RAPGEF2: variants seen among roughly 807,000 people sequenced by gnomAD.
RAPGEF2 encodes Rap guanine nucleotide exchange factor 2.
RAPGEF2 carries 54 observed loss-of-function variants against 186.7 expected under a neutral mutation model. The ratio of observed to expected loss-of-function variants is 0.29; its 90% CI spans 0.23 to 0.36. RAPGEF2 has a LOEUF of 0.36. Ranked by LOEUF, RAPGEF2 falls within the 10% of genes least tolerant of loss-of-function variation. RAPGEF2 has a pLI of 1.00. For missense variants in RAPGEF2, 1,532 were observed against 2,045.0 expected (o/e 0.75, Z 4.84); for synonymous variants, 712 against 705.9 (o/e 1.01, Z -0.14).
chr4:159,218,107 C>A (rs7678673), intron 4 of RAPGEF2, among the ~76,000 whole-genome samples: 100,585 of 152,118 alleles, frequency 0.66, 34,091 homozygotes, highest in African/African-American at 0.76. Flanking sequence ...CTAGTGAATT[C>A]TGTTACAGAA....
chr4:159,178,535 A>G (rs571486287), intron 1 of RAPGEF2, among the ~76,000 whole-genome samples: 38 of 141,106 alleles, frequency 2.7e-4, no homozygotes, highest in African/African-American at 1.0e-3. Context: ...CTTCTTTCCC[A>G]TTAGCATGTA....
chr4:159,167,129 C>T (rs375627503), intron 1 of RAPGEF2, among the ~76,000 whole-genome samples: 2 of 152,062 alleles, frequency 1.3e-5, no homozygotes, highest in East Asian at 1.9e-4. Flanking sequence ...AAAAAAACCA[C>T]GACTCATTAA....
chr4:159,295,741 G>GTA (rs1761887998), intron 7 of RAPGEF2, among the ~76,000 whole-genome samples: 1 of 134,262 alleles, frequency 7.4e-6, no homozygotes, highest in Non-Finnish European at 1.5e-5. Context: ...GTGTGTGTGT[G>GTA]TGTGTGTGTG....
At chr4:159,314,559 A>G (rs968199677) in intron 8 of RAPGEF2, 32 bp from the exon 9 acceptor site, 1 of 1,564,706 alleles carries the variant, frequency 6.4e-7, no homozygotes, top group Non-Finnish European at 8.6e-7. Context: ...TTTACTTAAA[A>G]TAGTTTTTAA....
chr4:159,254,057 T>C (rs563309815), intron 7 of RAPGEF2, among the ~76,000 whole-genome samples: 1 of 152,378 alleles, frequency 6.6e-6, no homozygotes, highest in Admixed American at 6.5e-5. Context: ...AAGTGCTTTA[T>C]GCAAACTTCT....
intron 7 of RAPGEF2, among the ~76,000 whole-genome samples, chr4:159,247,755 CTTTTTTTTT>C (rs56053207): frequency 1.6e-4 from 13 of 83,474 alleles, no homozygotes; most frequent in African/African-American, 4.7e-4. Context: ...TAATTTGTTT[CTTTTTTTTT>C]TTTTTTTTTT....
intron 9 of RAPGEF2, among the ~76,000 whole-genome samples, chr4:159,320,444 T>G (rs897301825): frequency 1.3e-5 from 2 of 152,162 alleles, no homozygotes; most frequent in Admixed American, 6.5e-5. Context: ...ATAACTGATG[T>G]GCTTTGATAG....
At chr4:159,124,310 C>T (rs1021608941) in intron 1 of RAPGEF2, among the ~76,000 whole-genome samples, 3 of 151,258 alleles carry the variant, frequency 2.0e-5, no homozygotes, top group South Asian at 2.1e-4. Context: ...GAGACTGAGG[C>T]GGGCGGATCA....
At chr4:159,296,798 C>T (rs1179425715) in intron 7 of RAPGEF2, among the ~76,000 whole-genome samples, 1 of 152,200 alleles carries the variant, frequency 6.6e-6, no homozygotes, top group Admixed American at 6.5e-5. Context: ...TGCAGTTTCT[C>T]ATCACATTGA....
intron 1 of RAPGEF2, among the ~76,000 whole-genome samples, chr4:159,104,482 G>T (rs1579191106): frequency 7.0e-6 from 1 of 142,102 alleles, no homozygotes; most frequent in Non-Finnish European, 1.5e-5. Flanking sequence ...CCACTATGTT[G>T]CCCAGCCGAG....
intron 17 of RAPGEF2, 55 bp downstream of exon 17, chr4:159,332,752 C>G (rs1766863332): frequency 3.2e-6 from 5 of 1,569,124 alleles, no homozygotes; most frequent in Non-Finnish European, 3.5e-6. Flanking sequence ...AAATGATATG[C>G]AAAGATAGTG....
intron 4 of RAPGEF2, among the ~76,000 whole-genome samples, chr4:159,236,919 A>C (rs1054378745): frequency 6.6e-6 from 1 of 152,198 alleles, no homozygotes; most frequent in Non-Finnish European, 1.5e-5. Flanking sequence ...AAGTACTCTA[A>C]TGTGTATGTT....
At chr4:159,198,084 T>G (rs1159362165) in intron 3 of RAPGEF2, among the ~76,000 whole-genome samples, 2 of 152,190 alleles carry the variant, frequency 1.3e-5, no homozygotes, top group Admixed American at 1.3e-4. Flanking sequence ...TTTTCCTTCT[T>G]GATGTGACCA....
intron 1 of RAPGEF2, among the ~76,000 whole-genome samples, chr4:159,105,175 A>G (rs1737744267): frequency 6.6e-6 from 1 of 152,188 alleles, no homozygotes; most frequent in Non-Finnish European, 1.5e-5. Context: ...TGCTGACTGG[A>G]TAATGACGCA....
intron 1 of RAPGEF2, among the ~76,000 whole-genome samples, chr4:159,183,474 A>G (rs1276495769): frequency 6.6e-6 from 1 of 152,250 alleles, no homozygotes; most frequent in Non-Finnish European, 1.5e-5. Context: ...AAGAAAATAT[A>G]GTAGTAAATC....
At chr4:159,308,879 G>A (rs892722450) in intron 8 of RAPGEF2, among the ~76,000 whole-genome samples, 2 of 152,012 alleles carry the variant, frequency 1.3e-5, no homozygotes, top group African/African-American at 4.8e-5. Context: ...AGAGTGAGAG[G>A]GTTGGCAGGT....
At chr4:159,291,351 G>A (rs966533202) in intron 7 of RAPGEF2, among the ~76,000 whole-genome samples, 1 of 152,162 alleles carries the variant, frequency 6.6e-6, no homozygotes, top group Non-Finnish European at 1.5e-5. Context: ...CATCCAGGCT[G>A]GAGTGCAGTG....
chr4:159,170,844 G>C (rs988467474), intron 1 of RAPGEF2, among the ~76,000 whole-genome samples: 4 of 135,522 alleles, frequency 3.0e-5, no homozygotes, highest in Admixed American at 7.4e-5. Flanking sequence ...CAGGTCTTAC[G>C]TTTAAGTCTT....
At chr4:159,146,141 CTA>C (rs1347926244) in intron 1 of RAPGEF2, among the ~76,000 whole-genome samples, 1 of 151,752 alleles carries the variant, frequency 6.6e-6, no homozygotes, top group South Asian at 2.1e-4. Flanking sequence ...TTCTGATAAA[CTA>C]TGAGGTCATT....
Sources: gnomAD v4.1 joint callset for allele counts (sites outside exome capture counted in the v4.1 genomes callset) on GRCh38, gnomAD v4.1.1 for gene constraint, MANE v1.5 for transcripts, NCBI Gene and HGNC (gene_info 2026-07-23, HGNC 2026-07-21) for gene names.